MYMX: variants seen among roughly 807,000 people sequenced by gnomAD.
MYMX encodes protein myomixer.
At chr6:44,194,042 G>A in the MYMX span, among the ~76,000 whole-genome samples, 1 of 151,898 alleles carries the variant, frequency 6.6e-6, no homozygotes. Flanking sequence ...CACTTTCTTG[G>A]AGATATGTTC....
the MYMX span, among the ~76,000 whole-genome samples, chr6:44,203,424 C>A: frequency 6.6e-6 from 1 of 152,178 alleles, no homozygotes; most frequent in Non-Finnish European, 1.5e-5. Context: ...TTACAGAAGG[C>A]TCTGTGGCCT....
the MYMX span, among the ~76,000 whole-genome samples, chr6:44,194,900 AATAAT>A: frequency 6.6e-6 from 1 of 152,206 alleles, no homozygotes. Flanking sequence ...TGTGCAGAAT[AATAAT>A]AAAATACAGA....
At chr6:44,210,433 C>T in the MYMX span, among the ~76,000 whole-genome samples, 1 of 152,026 alleles carries the variant, frequency 6.6e-6, no homozygotes, top group Non-Finnish European at 1.5e-5. Flanking sequence ...ATGTGCACCA[C>T]CACTCCTGGC....
At chr6:44,213,525 A>G (rs576783555), upstream of MYMX, among the ~76,000 whole-genome samples, 375 of 151,232 alleles carry the variant, frequency 2.5e-3, 2 homozygotes, top group African/African-American at 8.8e-3. Flanking sequence ...GGGCTCAAGC[A>G]ATTCTCCTGT....
chr6:44,197,191 G>A, the MYMX span, among the ~76,000 whole-genome samples: 14 of 152,216 alleles, frequency 9.2e-5, no homozygotes, highest in South Asian at 2.9e-3. Context: ...AGCCGAGATC[G>A]AGTCACTGTA....
At chr6:44,212,527 A>G (rs2128329805), upstream of MYMX, among the ~76,000 whole-genome samples, 1 of 152,170 alleles carries the variant, frequency 6.6e-6, no homozygotes, top group African/African-American at 2.4e-5. Context: ...TGATTATTCC[A>G]TAATGTATAC....
At chr6:44,207,132 C>T in the MYMX span, among the ~76,000 whole-genome samples, 1 of 152,152 alleles carries the variant, frequency 6.6e-6, no homozygotes, top group Admixed American at 6.5e-5. Flanking sequence ...TTCACAAACA[C>T]TATCCTTAAC....
the MYMX span, among the ~76,000 whole-genome samples, chr6:44,196,586 C>T: frequency 2.6e-5 from 4 of 152,112 alleles, no homozygotes; most frequent in Admixed American, 6.6e-5. Context: ...GGCTGAGGCA[C>T]GAGAATCACT....
chr6:44,197,957 C>A, the MYMX span, among the ~76,000 whole-genome samples: 1 of 151,978 alleles, frequency 6.6e-6, no homozygotes, highest in Non-Finnish European at 1.5e-5. Context: ...CTGCAAATAT[C>A]TCCTTCCAGC....
At chr6:44,208,462 CT>C in the MYMX span, among the ~76,000 whole-genome samples, 8 of 152,074 alleles carry the variant, frequency 5.3e-5, no homozygotes, top group Non-Finnish European at 1.0e-4. Flanking sequence ...CCTTCTTATA[CT>C]CCTGTTTACC....
At chr6:44,214,971 C>A (rs144793178), upstream of MYMX, among the ~76,000 whole-genome samples, 1 of 152,310 alleles carries the variant, frequency 6.6e-6, no homozygotes, top group East Asian at 1.9e-4. Flanking sequence ...ACATGGTCAT[C>A]ATACCTTCTC....
the MYMX span, among the ~76,000 whole-genome samples, chr6:44,197,029 C>A: frequency 1.3e-5 from 2 of 152,032 alleles, no homozygotes; most frequent in Non-Finnish European, 2.9e-5. Flanking sequence ...CTGAGGAGGG[C>A]AAATCACCTG....
chr6:44,195,268 C>G, the MYMX span, among the ~76,000 whole-genome samples: 1 of 152,190 alleles, frequency 6.6e-6, no homozygotes, highest in Non-Finnish European at 1.5e-5. Flanking sequence ...ATCTGCCCAC[C>G]TCTGCCTCCC....
At chr6:44,205,059 GGA>G in the MYMX span, among the ~76,000 whole-genome samples, 2 of 147,598 alleles carry the variant, frequency 1.4e-5, no homozygotes, top group African/African-American at 4.9e-5. Flanking sequence ...GGTGAGCATG[GGA>G]GAGACACACT....
the MYMX span, among the ~76,000 whole-genome samples, chr6:44,211,259 GA>G: frequency 5.1e-4 from 77 of 152,318 alleles, no homozygotes; most frequent in African/African-American, 1.7e-3. Context: ...TAAGGGTTAA[GA>G]ATTTTAATTA....
At chr6:44,201,864 C>T in the MYMX span, among the ~76,000 whole-genome samples, 5 of 152,212 alleles carry the variant, frequency 3.3e-5, no homozygotes, top group Non-Finnish European at 7.3e-5. Context: ...CTCTCAACTC[C>T]CGCTGTGCAA....
At chr6:44,205,017 A>T in the MYMX span, among the ~76,000 whole-genome samples, 1 of 152,132 alleles carries the variant, frequency 6.6e-6, no homozygotes, top group African/African-American at 2.4e-5. Context: ...AGTGCTTCAG[A>T]AGAGAGAATG....
At chr6:44,196,586 C>G in the MYMX span, among the ~76,000 whole-genome samples, 1 of 152,112 alleles carries the variant, frequency 6.6e-6, no homozygotes, top group East Asian at 1.9e-4. Flanking sequence ...GGCTGAGGCA[C>G]GAGAATCACT....
the MYMX span, among the ~76,000 whole-genome samples, chr6:44,201,339 C>T: frequency 6.6e-6 from 1 of 152,146 alleles, no homozygotes. Flanking sequence ...ACCTGGCTGG[C>T]TCTGGTTCCT....
Sources: allele counts gnomAD v4.1 joint callset (sites outside exome capture counted in the v4.1 genomes callset), GRCh38; gene constraint gnomAD v4.1.1; transcripts MANE v1.5; gene names NCBI Gene and HGNC (gene_info 2026-07-23, HGNC 2026-07-21).